Variants in FZD4 observed in about 807,000 individuals in gnomAD.
FZD4 encodes the protein frizzled-4.
In FZD4, 16 loss-of-function variants were observed where a neutral mutation model predicts 37.3. The ratio of observed to expected loss-of-function variants is 0.43; its 90% confidence interval spans 0.29 to 0.65. The LOEUF (loss-of-function observed/expected upper bound fraction) is 0.65. Among genes scored for constraint, FZD4 ranks in the 30% least tolerant of loss-of-function variants. FZD4 has a pLI of 0.16. For synonymous variants in FZD4, 246 were observed against 254.8 expected, an observed-to-expected ratio of 0.97 and a Z score of 0.33; for missense variants, 599 against 674.3, an observed-to-expected ratio of 0.89 and a Z score of 1.24.
Position 86,951,589 on chromosome 11 carries a change from C to A in FZD4, c.1167G>T (p.Gly389=). 1 of 1,614,088 alleles carries A rather than the reference C, an allele frequency of 6.2e-7. No individual in the cohort carries two copies. Among genetic ancestry groups the A allele is most frequent in the Non-Finnish European group, 8.5e-7 (1 of 1,179,950 alleles). ...AAGTAAAGAGGGGAGCCACCACGAA[C>A]CCGGTGAGGGCATCGAGATTTTGGT... The part of the protein sequence containing the change: ...VGNQNLDALT[G]FVVAPLFTYL... Residue 389 remains glycine, a synonymous_variant, in exon 2 of 2, where the codon GGG becomes GGT. Coordinates refer to ENST00000531380, the MANE Select transcript of FZD4 (RefSeq NM_012193.4).
At position 86,952,337 on chromosome 11, in the gene FZD4, G is replaced by A; in HGVS notation, c.419C>T (p.Pro140Leu). ...GAATTTGCTGCAGTTCAGACTCTCT[G>A]GCCAGGCAAATCCAAATTCCTTCAG... ...PVLKEFGFAWPESLNCSKFPP... is the reference protein window; with the variant it reads ...PVLKEFGFAWLESLNCSKFPP... The change falls in exon 2 of 2, where the codon CCA becomes CTA. Residue 140 changes from proline to leucine, a missense_variant. By Grantham distance (98) the Pro-to-Leu change is moderately conservative (BLOSUM62 -3). Around this residue, in one of 3 missense-constraint regions of FZD4, gnomAD observed 357 missense variants for 396.1 expected, o/e 0.90. Transcript: ENST00000531380. The A allele has an allele frequency of 6.2e-7, 1 of 1,614,196 alleles. No individual in the cohort carries two copies. Among genetic ancestry groups the A allele is most frequent in the South Asian group, 1.1e-5 (1 of 91,086 alleles).
chr11:86,954,861 G>A lies in FZD4; in HGVS notation c.225C>T (p.Ala75=), dbSNP rs377527854. The A allele has an allele frequency of 1.1e-5, 17 of 1,613,358 alleles. No individual in the cohort carries two copies. In the African/African-American group the frequency reaches 1.3e-4, roughly 13 times the overall value. Residue 75 remains alanine (A), a synonymous_variant, in exon 1 of 2, where the codon GCC becomes GCT. Coordinates refer to ENST00000531380, the MANE Select transcript of FZD4 (RefSeq NM_012193.4). ...GTGTGAAAGTTGTCAGCTGCAGCTC[G>A]GCGTCCGTCTGCAGCTCGTGCCCAA... is the stretch of plus-strand genomic sequence containing the variant. ...NLVGHELQTD[A]ELQLTTFTPL... is the part of the protein sequence containing the mutation.
At position 86,951,366 on chromosome 11, in the gene FZD4, GT is replaced by G; in HGVS notation, c.1389del (p.Leu464PhefsTer16). The G allele has an allele frequency of 6.2e-7, 1 of 1,613,984 alleles. No homozygotes were observed. The highest frequency in any genetic ancestry group is 8.5e-7 in the Non-Finnish European group (1 of 1,179,834). ...ACYFYEISNW[A>X]LFRYSADDSN... ...GAATCATCTGCAGAATACCGAAAAAGTGCCCAGTTGGAGATTTCATAAAAAT... is the reference window on the plus strand; with the variant it reads ...GAATCATCTGCAGAATACCGAAAAAGGCCCAGTTGGAGATTTCATAAAAAT... On this transcript the variant is annotated frameshift_variant, in exon 2 of 2. Transcript: ENST00000531380. LOFTEE classifies it high-confidence loss of function.
chr11:86,952,911 T>A (rs906977547), intron 1 of FZD4: 1 of 161,542 alleles, frequency 6.2e-6, no homozygotes, highest in African/African-American at 2.4e-5. Flanking sequence ...TAAAAAAAAA[T>A]GTAGATCCTG....
Position 86,955,299 on chromosome 11 carries a change from G to A in FZD4, c.-214C>T. On this transcript the variant is annotated 5_prime_UTR_variant, in exon 1 of 2. Transcript: ENST00000531380. ...CCGAGGCCGAGGGACAGGCTGCGAG[G>A]GTCATGGCTGCAGGCGGCGAGCCCA... The A allele has an allele frequency of 2.3e-6, 1 of 435,980 alleles. No individual in the cohort carries two copies. The highest frequency in any genetic ancestry group is 4.0e-6 in the Non-Finnish European group (1 of 251,198). 27.0% of individuals were successfully genotyped at this position (435,980 alleles called of 1,614,324 possible).
In FZD4 at chr11:86,954,864, G is replaced by T. The variant is rs751569430; in HGVS notation, c.222C>A (p.Asp74Glu). ...PNLVGHELQT[D>E]AELQLTTFTP... ...TGAAAGTTGTCAGCTGCAGCTCGGC[G>T]TCCGTCTGCAGCTCGTGCCCAACCA... Residue 74 changes from aspartate (D) to glutamate (E), a missense_variant, in exon 1 of 2, where the codon GAC becomes GAA. Physicochemically the swap from Asp to Glu is conservative, Grantham distance 45 (BLOSUM62 2). Transcript: ENST00000531380. The T allele has an allele frequency of 6.2e-7, 1 of 1,613,394 alleles. No homozygotes were observed. The highest frequency in any genetic ancestry group is 8.5e-7 in the Non-Finnish European group (1 of 1,179,900).
Position 86,951,951 on chromosome 11 carries a change from A to C in FZD4, c.805T>G (p.Tyr269Asp). 1 of 1,613,898 alleles carries C rather than the reference A, an allele frequency of 6.2e-7. No individual in the cohort carries two copies. Among genetic ancestry groups the C allele is most frequent in the Non-Finnish European group, 8.5e-7 (1 of 1,179,876 alleles). Reference protein sequence around the residue: ...SMCYNIYSIAYIVRLTVGRER... With the variant: ...SMCYNIYSIADIVRLTVGRER... ...CGGCCTACAGTCAGCCTGACAATAT[A>C]AGCAATGCTATAAATATTATAGCAC... The change falls in exon 2 of 2, where the codon TAT (tyrosine) becomes GAT (aspartate). Residue 269 changes from tyrosine to aspartate, a missense_variant. Physicochemically the swap from Tyr to Asp is radical, Grantham distance 160. Transcript: ENST00000531380.
Position 86,948,383 on chromosome 11 carries a change from T to C in FZD4, c.*2759A>G, listed in dbSNP as rs915679857. 1 of 152,002 alleles carries C rather than the reference T, an allele frequency of 6.6e-6. No homozygotes were observed. The highest frequency in any genetic ancestry group is 2.4e-5 in the African/African-American group (1 of 41,380). The allele number at this position is 152,002 out of a possible 1,614,324, so 9.4% of individuals were successfully genotyped here. ...TTTACTACAGTCGGCACTCAATAAATAAAATAACTGATTTTTTTAACAAAT... is the reference window on the plus strand; with the variant it reads ...TTTACTACAGTCGGCACTCAATAAACAAAATAACTGATTTTTTTAACAAAT... On this transcript the variant is annotated 3_prime_UTR_variant, in exon 2 of 2. Transcript: ENST00000531380.
rs780500837 is a variant in FZD4 at position 86,952,223 on chromosome 11, C to G, written c.533G>C (p.Gly178Ala). ...GGTTCCCACAGAGTGACACTCTTCC[C>G]CAGGCTGGATGGGGGTTTTGTGAGG... is the stretch of plus-strand genomic sequence containing the variant. The part of the protein sequence containing the change: ...PLPHKTPIQP[G>A]EECHSVGTNS... Residue 178 changes from glycine (G) to alanine (A), a missense_variant, in exon 2 of 2, where the codon GGG (glycine) becomes GCG (alanine). Gly to Ala is a moderately conservative substitution (Grantham distance 60). Transcript: ENST00000531380. The G allele has an allele frequency of 6.2e-7, 1 of 1,614,094 alleles. No individual in the cohort carries two copies. The highest frequency in any genetic ancestry group is 2.2e-5 in the East Asian group (1 of 44,878).
intron 1 of FZD4, 135 bp downstream of exon 1, chr11:86,954,666 G>C (rs1277624146): frequency 6.9e-7 from 1 of 1,438,878 alleles, no homozygotes; most frequent in East Asian, 2.5e-5. Context: ...AAGTGGGGGT[G>C]GGGATGGAAA....
rs1949242494 is a variant in FZD4, at chr11:86,946,349, AG to A, written c.*4792del. 1.3e-5 allele frequency: 2 copies of A among 152,312 alleles called. No homozygotes were observed. Among genetic ancestry groups the A allele is most frequent in the Non-Finnish European group, 2.9e-5 (2 of 68,040 alleles). 9.4% of individuals were successfully genotyped at this position (152,312 alleles called of 1,614,324 possible). A position where few individuals can be genotyped will look rare whatever the true frequency, so the allele number is the denominator to read the frequency against. On this transcript the variant is annotated 3_prime_UTR_variant, in exon 2 of 2. Transcript: ENST00000531380. ...TACTGAATATTGTAGGAGAGCAAGG[AG>A]GTTTAAAAGCTTTGAGGACATGGCT...
At position 86,951,105 on chromosome 11, in the gene FZD4, C is replaced by T. The variant is rs377431110; in HGVS notation, c.*37G>A. ...TTTCCTCCAAAATGCTGGCATTCCCCCCTTCAAAATGAAGAAAGCATGGAG... is the reference window on the plus strand; with the variant it reads ...TTTCCTCCAAAATGCTGGCATTCCCTCCTTCAAAATGAAGAAAGCATGGAG... On this transcript the variant is annotated 3_prime_UTR_variant, in exon 2 of 2. Transcript: ENST00000531380. 2.5e-6 allele frequency: 4 copies of T among 1,606,206 alleles called. No homozygotes were observed. The highest frequency in any genetic ancestry group is 2.7e-5 in the African/African-American group (2 of 74,760).
At chr11:86,952,532 G>C in intron 1 of FZD4, 62 bp from the exon 2 acceptor site, 1 of 1,578,062 alleles carries the variant, frequency 6.3e-7, no homozygotes, top group Non-Finnish European at 8.6e-7. Flanking sequence ...TTGACCAAAT[G>C]CTCCCACAAA....
At position 86,949,306 on chromosome 11, in the gene FZD4, C is replaced by T. The variant is rs1565396007; in HGVS notation, c.*1836G>A. 1 of 150,080 alleles carries T rather than the reference C, an allele frequency of 6.7e-6. No individual in the cohort carries two copies. The highest frequency in any genetic ancestry group is 1.5e-5 in the Non-Finnish European group (1 of 67,732). The allele number at this position is 150,080 out of a possible 1,614,324, so 9.3% of individuals were successfully genotyped here. ...AATGTCAAACTATGGGCATAAGGCT[C>T]AAACCAAATTTTTAAAAAAGAGGAA... On this transcript the variant is annotated 3_prime_UTR_variant, in exon 2 of 2. Transcript: ENST00000531380.
intron 1 of FZD4, chr11:86,954,453 A>C (rs1949319170): frequency 1.0e-6 from 1 of 985,396 alleles, no homozygotes; most frequent in Middle Eastern, 5.2e-4. Flanking sequence ...TCCAAGTCTT[A>C]GCTGCAGCTG....
rs2135038682 is a variant in FZD4 at position 86,950,573 on chromosome 11, T to C, written c.*569A>G. The C allele has an allele frequency of 6.0e-6, 1 of 167,098 alleles. No homozygotes were observed. Among genetic ancestry groups the C allele is most frequent in the South Asian group, 1.5e-4 (1 of 6,610 alleles). The allele number at this position is 167,098 out of a possible 1,614,324, so 10.4% of individuals were successfully genotyped here. A position where few individuals can be genotyped will look rare whatever the true frequency, so the allele number is the denominator to read the frequency against. On this transcript the variant is annotated 3_prime_UTR_variant, in exon 2 of 2. Coordinates refer to ENST00000531380, the MANE Select transcript of FZD4 (RefSeq NM_012193.4). ...CACTGAAAGATTCTAACACCACTTC[T>C]TGGGAGTGCAGTCCACAAAGTTCTA...
rs904167587 is a variant in FZD4 at position 86,954,367 on chromosome 11, A to G, written c.285+434T>C. The G allele has an allele frequency of 2.0e-5, 20 of 985,206 alleles. No homozygotes were observed. In the African/African-American group the frequency reaches 2.8e-4, roughly 14 times the overall value. 61.0% of individuals were successfully genotyped at this position (985,206 alleles called of 1,614,324 possible). On this transcript the variant is annotated intron_variant, in intron 1 of 1. Coordinates refer to ENST00000531380, the MANE Select transcript of FZD4 (RefSeq NM_012193.4). ...GCTATTCAGCAGAAAAAGGTGCAGT[A>G]GTGTTTCATTTAATAACACCCCAAA...
Position 86,951,868 on chromosome 11 carries a change from TC to T in FZD4, c.887del (p.Gly296AspfsTer9). 6.2e-7 allele frequency: 1 copy of T among 1,613,658 alleles called. No homozygotes were observed. Among genetic ancestry groups the T allele is most frequent in the Non-Finnish European group, 8.5e-7 (1 of 1,180,026 alleles). ...EAAEPVLIQEGLKNTGCAIIF... is the reference protein window; with the variant it reads ...EAAEPVLIQEXLKNTGCAIIF... ...TTATTGCACATCCTGTGTTCTTAAG[TC>T]CTTCTTGGATGAGAACAGGTTCTGC... On this transcript the variant is annotated frameshift_variant, in exon 2 of 2. Coordinates refer to ENST00000531380, the MANE Select transcript of FZD4 (RefSeq NM_012193.4). LOFTEE classifies it high-confidence loss of function.
Position 86,951,512 on chromosome 11 carries a change from T to G in FZD4, c.1244A>C (p.Lys415Thr). ...ATCCTTTTGAAGATTTGACCGAATT[T>G]TGAACAAGGCCACCAAACCTGCAGC... ...FIAAGLVALF[K>T]IRSNLQKDGT... Residue 415 changes from lysine to threonine, a missense_variant, in exon 2 of 2, where the codon AAA (lysine) becomes ACA (threonine). Lys to Thr is a moderately conservative substitution (Grantham distance 78). Around this residue, in one of 3 missense-constraint regions of FZD4, gnomAD observed 203 missense variants for 196.8 expected, o/e 1.03. Transcript: ENST00000531380. The G allele has an allele frequency of 1.2e-6, 2 of 1,614,188 alleles. No individual in the cohort carries two copies. Among genetic ancestry groups the G allele is most frequent in the Non-Finnish European group, 1.7e-6 (2 of 1,180,038 alleles).
Sources: allele counts gnomAD v4.1 joint callset, GRCh38; gene constraint gnomAD v4.1.1; regional missense constraint gnomAD v4.1.1; transcripts MANE v1.5; gene names NCBI Gene and HGNC (gene_info 2026-07-23, HGNC 2026-07-21).